Variants in MAGI2 observed in about 807,000 individuals in gnomAD.
The protein encoded by MAGI2 is membrane-associated guanylate kinase, WW and PDZ domain-containing protein 2.
In MAGI2, 35 loss-of-function variants were observed where a neutral mutation model predicts 133.3. That is an observed-to-expected ratio of 0.26 (90% CI 0.20 to 0.35). MAGI2 has a LOEUF of 0.35. Among genes scored for constraint, MAGI2 ranks in the 10% least tolerant of loss-of-function variants. The pLI is 1.00. For missense variants in MAGI2, 1,636 were observed against 1,863.4 expected, an observed-to-expected ratio of 0.88 and a Z score of 2.25; for synonymous variants, 729 against 710.6, an observed-to-expected ratio of 1.03 and a Z score of -0.41.
At chr7:78,423,448 A>G (rs879794139) in intron 6 of MAGI2, among the ~76,000 whole-genome samples, 2 of 152,220 alleles carry the variant, frequency 1.3e-5, no homozygotes, top group African/African-American at 4.8e-5. Flanking sequence ...CAGCAGCATG[A>G]AAACAGACTA....
chr7:79,268,133 G>A (rs966212270), intron 1 of MAGI2, among the ~76,000 whole-genome samples: 6 of 152,134 alleles, frequency 3.9e-5, no homozygotes, highest in Non-Finnish European at 7.3e-5. Flanking sequence ...TGTGCTTGGA[G>A]GTAGAAGCAG....
chr7:78,690,865 A>C (rs1230025602), intron 2 of MAGI2, among the ~76,000 whole-genome samples: 2 of 152,198 alleles, frequency 1.3e-5, no homozygotes, highest in Non-Finnish European at 2.9e-5. Context: ...AGAGTAAAAA[A>C]TGGTATCAGA....
chr7:78,332,403 A>G (rs1047678167), intron 9 of MAGI2, among the ~76,000 whole-genome samples: 1 of 152,216 alleles, frequency 6.6e-6, no homozygotes, highest in Non-Finnish European at 1.5e-5. Flanking sequence ...ATGTGTCATT[A>G]TAAAAGGAGA....
intron 3 of MAGI2, among the ~76,000 whole-genome samples, chr7:78,573,965 CT>C (rs1439432888): frequency 6.6e-6 from 1 of 152,182 alleles, no homozygotes; most frequent in African/African-American, 2.4e-5. Flanking sequence ...AGCCCTGCCC[CT>C]GGGTATGCCC....
chr7:79,223,000 T>C (rs1830566361), intron 1 of MAGI2, among the ~76,000 whole-genome samples: 3 of 152,044 alleles, frequency 2.0e-5, no homozygotes, highest in African/African-American at 7.3e-5. Flanking sequence ...TTCTCCTGCC[T>C]CTGCCTCCCG....
chr7:78,875,988 A>C (rs953034439), intron 2 of MAGI2, among the ~76,000 whole-genome samples: 3 of 152,176 alleles, frequency 2.0e-5, no homozygotes, highest in African/African-American at 7.2e-5. Flanking sequence ...AATCTTAAGA[A>C]CAGAGAGAAA....
chr7:79,057,306 T>A (rs1813236599), intron 1 of MAGI2, among the ~76,000 whole-genome samples: 1 of 152,202 alleles, frequency 6.6e-6, no homozygotes, highest in African/African-American at 2.4e-5. Context: ...GGGAAGATGG[T>A]TGTTTTTAAA....
chr7:78,092,803 A>G (rs770256482), intron 20 of MAGI2, among the ~76,000 whole-genome samples: 87 of 152,106 alleles, frequency 5.7e-4, no homozygotes, highest in Non-Finnish European at 1.0e-3. Flanking sequence ...CCATTTCAAA[A>G]GGAGACTTTC....
intron 6 of MAGI2, among the ~76,000 whole-genome samples, chr7:78,412,757 T>C (rs999879317): frequency 6.6e-6 from 1 of 152,072 alleles, no homozygotes; most frequent in East Asian, 1.9e-4. Flanking sequence ...AACAGTTTGT[T>C]ACCTGAGGGA....
chr7:78,348,515 C>T (rs1011856036), intron 7 of MAGI2: 2 of 152,026 alleles, frequency 1.3e-5, no homozygotes, highest in African/African-American at 2.4e-5. Context: ...CCTGTGTCTC[C>T]TTCCCTCACT....
intron 3 of MAGI2, among the ~76,000 whole-genome samples, chr7:78,579,267 TGAC>T (rs1802591090): frequency 1.3e-5 from 2 of 152,210 alleles, no homozygotes; most frequent in African/African-American, 4.8e-5. Context: ...TAACAGTGAC[TGAC>T]CTAGAGAAGG....
intron 2 of MAGI2, among the ~76,000 whole-genome samples, chr7:78,831,540 C>T (rs1439944710): frequency 6.6e-6 from 1 of 151,930 alleles, no homozygotes; most frequent in Non-Finnish European, 1.5e-5. Flanking sequence ...GTGTAAGCAC[C>T]CAGCCAAAAA....
chr7:79,213,169 ATTTTCTGTATAGAT>A (rs942052934), intron 1 of MAGI2, among the ~76,000 whole-genome samples: 71 of 150,120 alleles, frequency 4.7e-4, no homozygotes, highest in African/African-American at 1.6e-3. Flanking sequence ...TTCTGTATAT[ATTTTCTGTATAGAT>A]TTTTCTGTAT....
intron 4 of MAGI2, among the ~76,000 whole-genome samples, chr7:78,513,066 A>G (rs1795739202): frequency 6.6e-6 from 1 of 152,198 alleles, no homozygotes; most frequent in African/African-American, 2.4e-5. Context: ...TTAAAAAACC[A>G]CAGCAAGGTA....
intron 9 of MAGI2, among the ~76,000 whole-genome samples, chr7:78,330,965 G>C (rs1351739089): frequency 6.6e-6 from 1 of 152,038 alleles, no homozygotes; most frequent in Non-Finnish European, 1.5e-5. Context: ...GCGTATACAC[G>C]TGCATGTGTG....
intron 12 of MAGI2, among the ~76,000 whole-genome samples, chr7:78,190,023 A>C (rs1033392973): frequency 6.6e-6 from 1 of 152,194 alleles, no homozygotes; most frequent in Non-Finnish European, 1.5e-5. Flanking sequence ...TCTAACTATA[A>C]TCTTTCCCAG....
At chr7:78,403,231 A>G (rs372702878) in intron 6 of MAGI2, among the ~76,000 whole-genome samples, 4 of 150,932 alleles carry the variant, frequency 2.7e-5, no homozygotes, top group South Asian at 2.1e-4. Flanking sequence ...ATTCCCACCT[A>G]TGAGTGAGAA....
At chr7:79,230,355 A>G (rs1376384153) in intron 1 of MAGI2, among the ~76,000 whole-genome samples, 1 of 152,070 alleles carries the variant, frequency 6.6e-6, no homozygotes, top group Non-Finnish European at 1.5e-5. Flanking sequence ...TAGATCCCTG[A>G]GGAATCGCCA....
rs114349333 is a variant in MAGI2, at chr7:78,075,156, G to C, written c.3706+3791C>G. On this transcript the variant is annotated intron_variant, in intron 21 of 21. Transcript: ENST00000354212. The stretch of plus-strand genomic sequence containing the variant: ...GAGGGTCCCTGCATCACCGGCTCTA[G>C]TGAAAACCTTGGGCACTGAGTCTCC... 2.0e-3 allele frequency among the ~76,000 whole-genome samples: 305 copies of C among 152,288 alleles called. 2 individuals are homozygous for C. Among genetic ancestry groups the C allele is most frequent in the African/African-American group, 7.1e-3 (294 of 41,546 alleles).
Sources: allele counts gnomAD v4.1 joint callset (sites outside exome capture counted in the v4.1 genomes callset), GRCh38; gene constraint gnomAD v4.1.1; transcripts MANE v1.5; gene names NCBI Gene and HGNC (gene_info 2026-07-23, HGNC 2026-07-21).